The following IL4R variants were observed in gnomAD, a reference collection of about 807,000 sequenced individuals.
The protein encoded by IL4R is interleukin-4 receptor subunit alpha.
Under a neutral mutation model 41.5 loss-of-function variants are expected in IL4R, and 17 were observed. The observed-to-expected ratio is 0.41, with a 90% CI of 0.28 to 0.61. The LOEUF (loss-of-function observed/expected upper bound fraction) is 0.61, where lower values mean the gene tolerates loss of function less well. IL4R is among the 20% of genes least tolerant of loss of function. The probability of loss-of-function intolerance (pLI) is 0.31; values close to 1 mark genes in which losing one functional copy is unlikely to be tolerated. For synonymous variants in IL4R, 402 were observed against 422.9 expected (o/e 0.95, Z 0.61); for missense variants, 974 against 1,043.1 (o/e 0.93, Z 0.91).
At position 27,364,145 on chromosome 16, in the gene IL4R, C is replaced by T; in HGVS notation, c.*315C>T. 3.1e-6 allele frequency: 1 copy of T among 321,948 alleles called. No individual in the cohort carries two copies. Among genetic ancestry groups the T allele is most frequent in the Non-Finnish European group, 5.8e-6 (1 of 173,766 alleles). The allele number at this position is 321,948 out of a possible 1,614,324, so 19.9% of individuals were successfully genotyped here. ...CTTGTGAACGAGTTGTTGGCTGCTC[C>T]CTCCACAGCTTCTGCAGCAGACTGT... On this transcript the variant is annotated 3_prime_UTR_variant, in exon 11 of 11. Coordinates refer to ENST00000395762, the MANE Select transcript of IL4R (RefSeq NM_000418.4).
upstream of IL4R, chr16:27,313,969 C>G (rs575497917): frequency 2.0e-6 from 2 of 984,518 alleles, no homozygotes; most frequent in African/African-American, 3.5e-5. Context: ...ACCCAGGGGT[C>G]CCCCACTTCC....
At chr16:27,320,721 C>T (rs1167322984) in intron 1 of IL4R, among the ~76,000 whole-genome samples, 1 of 152,204 alleles carries the variant, frequency 6.6e-6, no homozygotes, top group South Asian at 2.1e-4. Flanking sequence ...CTATGTTTTC[C>T]TGAAGCGGCC....
chr16:27,363,006 C>G lies in IL4R; in HGVS notation c.1654C>G (p.Gln552Glu), dbSNP rs764519076. The G allele has an allele frequency of 3.1e-6, 5 of 1,614,142 alleles. No homozygotes were observed. In the South Asian group the frequency reaches 5.5e-5, roughly 18 times the overall value. The change falls in exon 11 of 11, where the codon CAG becomes GAG. Residue 552 changes from glutamine (Q) to glutamate (E), a missense_variant. This residue lies in a region of IL4R where 682 missense variants were observed against 704.3 expected (regional missense o/e 0.97). Transcript: ENST00000395762. The part of the protein sequence containing the change: ...VPQPEPETWE[Q>E]ILRRNVLQHG... ...CCAACCTGAGCCAGAAACCTGGGAG[C>G]AGATCCTCCGCCGAAATGTCCTCCA... is the stretch of plus-strand genomic sequence containing the variant.
chr16:27,313,994 G>A lies in IL4R; in HGVS notation c.-178G>A. 1.0e-6 allele frequency: 1 copy of A among 984,998 alleles called. No homozygotes were observed. Among genetic ancestry groups the A allele is most frequent in the Non-Finnish European group, 1.2e-6 (1 of 829,776 alleles). The allele number at this position is 984,998 out of a possible 1,614,324, so 61.0% of individuals were successfully genotyped here. ...CCCCCACTTCCCGCTTGGGCGCCCGGACGGCGAATGGAGCAGGGGCGCGCA... is the reference window on the plus strand; with the variant it reads ...CCCCCACTTCCCGCTTGGGCGCCCGAACGGCGAATGGAGCAGGGGCGCGCA... On this transcript the variant is annotated 5_prime_UTR_variant, in exon 1 of 11. Transcript: ENST00000395762.
At chr16:27,337,886 T>G (rs567721063) in intron 2 of IL4R, among the ~76,000 whole-genome samples, 1 of 151,738 alleles carries the variant, frequency 6.6e-6, no homozygotes, top group Non-Finnish European at 1.5e-5. Context: ...TTTGACGTTA[T>G]GTACCAGGAG....
Position 27,346,632 on chromosome 16 carries a change from C to G in IL4R, c.513+14C>G. On this transcript the variant is annotated intron_variant, in intron 6 of 10. Coordinates refer to ENST00000395762, the MANE Select transcript of IL4R (RefSeq NM_000418.4). ...GACCCGGCAGATGTGAGTGGGCATG[C>G]TTTGACGTTTTTCTGTGACCTCTGG... The G allele has an allele frequency of 6.2e-7, 1 of 1,613,530 alleles. No homozygotes were observed. The highest frequency in any genetic ancestry group is 1.1e-5 in the South Asian group (1 of 91,086).
intron 8 of IL4R, among the ~76,000 whole-genome samples, chr16:27,357,293 T>C (rs2086111295): frequency 6.6e-6 from 1 of 152,062 alleles, no homozygotes; most frequent in African/African-American, 2.4e-5. Flanking sequence ...TTTTGTTCTG[T>C]TTTTTAGACA....
Position 27,328,943 on chromosome 16 carries a change from A to G in IL4R, c.-151-1123A>G, listed in dbSNP as rs146430543. ...ATAATGTAGATTGCTACCTTTTTCTAGTCTTTTGCTTGCTGATATAGTTGG... is the reference window on the plus strand; with the variant it reads ...ATAATGTAGATTGCTACCTTTTTCTGGTCTTTTGCTTGCTGATATAGTTGG... On this transcript the variant is annotated intron_variant, in intron 1 of 10. Transcript: ENST00000395762. 3.8e-3 allele frequency among the ~76,000 whole-genome samples: 576 copies of G among 152,108 alleles called. 5 individuals carry two copies. Among genetic ancestry groups the G allele is most frequent in the African/African-American group, 0.013 (559 of 41,494 alleles).
chr16:27,329,826 C>T (rs2085063714), intron 1 of IL4R, among the ~76,000 whole-genome samples: 1 of 151,892 alleles, frequency 6.6e-6, no homozygotes, highest in Non-Finnish European at 1.5e-5. Flanking sequence ...CAGACATAAA[C>T]AGGGTGCTGT....
chr16:27,344,309 AAAAAAC>A (rs2085545254), intron 4 of IL4R, among the ~76,000 whole-genome samples: 1 of 151,728 alleles, frequency 6.6e-6, no homozygotes, highest in African/African-American at 2.4e-5. Flanking sequence ...TCTCAGGAAA[AAAAAAC>A]AAAAACAAAA....
chr16:27,335,480 G>A (rs2085237271), intron 2 of IL4R, among the ~76,000 whole-genome samples: 1 of 152,024 alleles, frequency 6.6e-6, no homozygotes. Flanking sequence ...CCATCCTCCT[G>A]CCTCAGCCTC....
rs777637708 is a variant in IL4R at position 27,363,124 on chromosome 16, C to T, written c.1772C>T (p.Ala591Val). Reference sequence around the variant, plus strand: ...GAGCAGGGTGGCACCCAGGCCAGTGCGGTGGTGGGCTTGGGTCCCCCAGGA... The same window carrying T: ...GAGCAGGGTGGCACCCAGGCCAGTGTGGTGGTGGGCTTGGGTCCCCCAGGA... Reference protein sequence around the residue: ...AVEQGGTQASAVVGLGPPGEA... With the variant: ...AVEQGGTQASVVVGLGPPGEA... The change falls in exon 11 of 11, where the codon GCG (alanine) becomes GTG (valine). Residue 591 changes from alanine to valine, a missense_variant. Ala to Val is a moderately conservative substitution (Grantham distance 64). Transcript: ENST00000395762. 31 of 1,613,798 alleles carry T rather than the reference C, an allele frequency of 1.9e-5. No individual in the cohort carries two copies. The highest frequency in any genetic ancestry group is 1.8e-4 in the East Asian group (8 of 44,896).
At position 27,344,817 on chromosome 16, in the gene IL4R, G is replaced by T. The variant is rs999545268; in HGVS notation, c.210-52G>T. On this transcript the variant is annotated intron_variant, in intron 4 of 10. Transcript: ENST00000395762. ...GAGGCATGTCCCGGACACAGCTGTGGGGCCCAGCCAGCCTACAGGTGACCA... is the reference window on the plus strand; with the variant it reads ...GAGGCATGTCCCGGACACAGCTGTGTGGCCCAGCCAGCCTACAGGTGACCA... 1.5e-5 allele frequency: 24 copies of T among 1,592,574 alleles called. No individual in the cohort carries two copies. In the African/African-American group the frequency reaches 3.2e-4, roughly 21 times the overall value.
At position 27,357,858 on chromosome 16, in the gene IL4R, C is replaced by T. The variant is rs184530359; in HGVS notation, c.771-1058C>T. On this transcript the variant is annotated intron_variant, in intron 8 of 10. Transcript: ENST00000395762. The stretch of plus-strand genomic sequence containing the variant: ...TATCTTTATTCATGGCACTTATTAC[C>T]ATGAATGAATGACCTCATATAAGCA... 3.0e-4 allele frequency among the ~76,000 whole-genome samples: 46 copies of T among 151,788 alleles called. 1 individual carries two copies. In the East Asian group the frequency reaches 6.6e-3, roughly 22 times the overall value.
chr16:27,339,883 C>A (rs543749966), intron 2 of IL4R, among the ~76,000 whole-genome samples: 6 of 152,226 alleles, frequency 3.9e-5, no homozygotes, highest in Non-Finnish European at 5.9e-5. Context: ...ATGGTGAAAC[C>A]CCGTCTCTAC....
intron 1 of IL4R, among the ~76,000 whole-genome samples, chr16:27,316,255 A>C (rs1179970043): frequency 6.6e-6 from 1 of 152,166 alleles, no homozygotes; most frequent in Non-Finnish European, 1.5e-5. Flanking sequence ...CTCTAGCCCC[A>C]GCTATTTGGG....
At position 27,363,573 on chromosome 16, in the gene IL4R, A is replaced by G; in HGVS notation, c.2221A>G (p.Ser741Gly). The stretch of plus-strand genomic sequence containing the variant: ...TGGTGGCCAGACCCCTGTCATGGCC[A>G]GTCCTTGCTGTGGCTGCTGCTGTGG... ...EDGGQTPVMASPCCGCCCGDR... is the reference protein window; with the variant it reads ...EDGGQTPVMAGPCCGCCCGDR... The change falls in exon 11 of 11, where the codon AGT (serine) becomes GGT (glycine). Residue 741 changes from serine (S) to glycine (G), a missense_variant. Physicochemically the swap from Ser to Gly is moderately conservative, Grantham distance 56. Around this residue, in one of 3 missense-constraint regions of IL4R, gnomAD observed 682 missense variants for 704.3 expected, o/e 0.97. Transcript: ENST00000395762. The G allele has an allele frequency of 6.2e-7, 1 of 1,614,144 alleles. No homozygotes were observed. Among genetic ancestry groups the G allele is most frequent in the Non-Finnish European group, 8.5e-7 (1 of 1,180,006 alleles).
intron 6 of IL4R, among the ~76,000 whole-genome samples, chr16:27,349,948 G>A (rs190198404): frequency 2.6e-5 from 4 of 152,176 alleles, no homozygotes; most frequent in East Asian, 3.9e-4. Flanking sequence ...ACAGGGTCTC[G>A]CCATGTTGTC....
At chr16:27,348,457 C>T (rs1457379524) in intron 6 of IL4R, among the ~76,000 whole-genome samples, 2 of 152,216 alleles carry the variant, frequency 1.3e-5, no homozygotes, top group Non-Finnish European at 2.9e-5. Flanking sequence ...TGCCTTCAGG[C>T]ATGGCTGGAT....
Sources: allele counts gnomAD v4.1 joint callset (sites outside exome capture counted in the v4.1 genomes callset), GRCh38; gene constraint gnomAD v4.1.1; regional missense constraint gnomAD v4.1.1; transcripts MANE v1.5; gene names NCBI Gene and HGNC (gene_info 2026-07-23, HGNC 2026-07-21).